Variants in CHD7 observed in about 807,000 individuals in gnomAD.
The protein encoded by CHD7 is ATP-dependent chromatin remodeler CHD7.
Under a neutral mutation model 307.3 loss-of-function variants are expected in CHD7, and 24 were observed. The ratio of observed to expected loss-of-function variants is 0.08; its 90% CI spans 0.06 to 0.11. The LOEUF (loss-of-function observed/expected upper bound fraction) is 0.11, where lower values mean the gene tolerates loss of function less well. Among genes scored for constraint, CHD7 ranks in the 10% least tolerant of loss-of-function variants. The pLI, the probability that CHD7 is intolerant of heterozygous loss-of-function variation, is 1.00. For missense variants in CHD7, 3,106 were observed against 3,727.1 expected (o/e 0.83, Z 4.34); for synonymous variants, 1,363 against 1,349.9 (o/e 1.01, Z -0.21).
intron 1 of CHD7, among the ~76,000 whole-genome samples, chr8:60,697,814 A>T (rs560138295): frequency 1.3e-5 from 2 of 152,370 alleles, no homozygotes; most frequent in East Asian, 3.9e-4. Flanking sequence ...TGTCCCAGCT[A>T]TGTATATCAC....
At chr8:60,685,006 A>T (rs1805810170) in intron 1 of CHD7, among the ~76,000 whole-genome samples, 1 of 152,190 alleles carries the variant, frequency 6.6e-6, no homozygotes, top group African/African-American at 2.4e-5. Flanking sequence ...ATGCGCTCTC[A>T]AGAGGGAGAT....
intron 21 of CHD7, among the ~76,000 whole-genome samples, chr8:60,843,345 C>G (rs1161585430): frequency 6.6e-6 from 1 of 152,238 alleles, no homozygotes; most frequent in Non-Finnish European, 1.5e-5. Context: ...TGCCTGCTGC[C>G]ATGTTTCAGC....
intron 1 of CHD7, among the ~76,000 whole-genome samples, chr8:60,682,849 T>C (rs1181955022): frequency 6.6e-6 from 1 of 152,210 alleles, no homozygotes; most frequent in Non-Finnish European, 1.5e-5. Flanking sequence ...AGAATAAAAA[T>C]GTTTAGTCAG....
intron 23 of CHD7, among the ~76,000 whole-genome samples, chr8:60,846,921 T>G (rs572175701): frequency 1.3e-5 from 2 of 152,214 alleles, no homozygotes; most frequent in Non-Finnish European, 2.9e-5. Flanking sequence ...GTGGTGAGGC[T>G]CTGAGGTGTC....
chr8:60,787,180 T>C (rs1460908500), intron 3 of CHD7, among the ~76,000 whole-genome samples: 1 of 152,090 alleles, frequency 6.6e-6, no homozygotes, highest in East Asian at 1.9e-4. Flanking sequence ...TATTTTCTTC[T>C]TTGTTGTTTT....
At chr8:60,759,236 G>T (rs1346810252) in intron 2 of CHD7, among the ~76,000 whole-genome samples, 1 of 152,156 alleles carries the variant, frequency 6.6e-6, no homozygotes, top group South Asian at 2.1e-4. Flanking sequence ...AAGGTAAAGT[G>T]CAGCTGGGGT....
intron 23 of CHD7, among the ~76,000 whole-genome samples, chr8:60,846,582 CT>C (rs1805219335): frequency 6.6e-6 from 1 of 152,214 alleles, no homozygotes; most frequent in Non-Finnish European, 1.5e-5. Flanking sequence ...TGAGGACTCA[CT>C]TTCCTGGTGA....
chr8:60,741,769 G>A lies in CHD7; in HGVS notation c.337G>A (p.Val113Met). 1 of 1,613,924 alleles carries A rather than the reference G, an allele frequency of 6.2e-7. No homozygotes were observed. The highest frequency in any genetic ancestry group is 8.5e-7 in the Non-Finnish European group (1 of 1,179,860). The stretch of plus-strand genomic sequence containing the variant: ...GTATCACACCCCTCCCGTTCCTCAG[G>A]TGCCCCATGGTGGCAGTGGTGGCGG... ...SQYHTPPVPQ[V>M]PHGGSGGGQM... is the part of the protein sequence containing the mutation. Residue 113 changes from valine to methionine, a missense_variant, in exon 2 of 38, where the codon GTG (valine) becomes ATG (methionine). Physicochemically the swap from Val to Met is conservative, Grantham distance 21 (BLOSUM62 1). This residue lies in a region of CHD7 where 998 missense variants were observed against 1,004.5 expected (regional missense o/e 0.99). Transcript: ENST00000423902.
intron 17 of CHD7, 125 bp from the exon 18 acceptor site, chr8:60,837,543 T>C (rs539816839): frequency 2.6e-6 from 2 of 776,594 alleles, no homozygotes; most frequent in Non-Finnish European, 4.0e-6. Flanking sequence ...ATGACCTAAT[T>C]ACTTCCCTAA....
Position 60,742,264 on chromosome 8 carries a change from A to G in CHD7, c.832A>G (p.Asn278Asp). 1 of 1,613,748 alleles carries G rather than the reference A, an allele frequency of 6.2e-7. No homozygotes were observed. The highest frequency in any genetic ancestry group is 8.5e-7 in the Non-Finnish European group (1 of 1,179,832). Residue 278 changes from asparagine (N) to aspartate (D), a missense_variant, in exon 2 of 38, where the codon AAT becomes GAT. Around this residue, in one of 10 missense-constraint regions of CHD7, gnomAD observed 998 missense variants for 1,004.5 expected, o/e 0.99. Coordinates refer to ENST00000423902, the MANE Select transcript of CHD7 (RefSeq NM_017780.4). ...TGCCCACAGTCCCAGATTCTCCCCG[A>G]ATCCTCCCCAACAAGGGGCTGTTAG... ...SVAHSPRFSP[N>D]PPQQGAVRPQ...
chr8:60,769,691 C>T (rs867735474), intron 2 of CHD7, among the ~76,000 whole-genome samples: 2 of 152,130 alleles, frequency 1.3e-5, no homozygotes, highest in Non-Finnish European at 1.5e-5. Flanking sequence ...ATTTAATTGA[C>T]GGAACGATGG....
At chr8:60,713,049 C>CA (rs373922396) in intron 1 of CHD7, among the ~76,000 whole-genome samples, 60,245 of 102,024 alleles carry the variant, frequency 0.59, 18,126 homozygotes, top group South Asian at 0.76. Flanking sequence ...AACTCTGTCT[C>CA]AAAAAAAAAA....
chr8:60,713,767 G>A (rs1807403563), intron 1 of CHD7, among the ~76,000 whole-genome samples: 1 of 152,036 alleles, frequency 6.6e-6, no homozygotes, highest in Non-Finnish European at 1.5e-5. Context: ...CAGGGAAAAC[G>A]CATCCCACTG....
chr8:60,800,565 A>AGGTG, intron 5 of CHD7, 40 bp downstream of exon 5: 1 of 1,482,060 alleles, frequency 6.7e-7, no homozygotes, highest in Non-Finnish European at 9.0e-7. Context: ...TGCATTTTAA[A>AGGTG]GATGGACTAG....
Position 60,838,061 on chromosome 8 carries a change from A to G in CHD7, c.4354-15A>G, listed in dbSNP as rs1401362163. ...TTAAATTATTTTGAGTATTTTAAAT[A>G]TTTCTCTAAAACAGGTACAACAGCT... On this transcript the variant is annotated splice_polypyrimidine_tract_variant and intron_variant, in intron 18 of 37. Coordinates refer to ENST00000423902, the MANE Select transcript of CHD7 (RefSeq NM_017780.4). 1.4e-6 allele frequency: 2 copies of G among 1,461,664 alleles called. No homozygotes were observed. Among genetic ancestry groups the G allele is most frequent in the Non-Finnish European group, 1.8e-6 (2 of 1,102,616 alleles). 90.5% of individuals were successfully genotyped at this position (1,461,664 alleles called of 1,614,324 possible).
At chr8:60,754,440 T>G (rs1034884001) in intron 2 of CHD7, among the ~76,000 whole-genome samples, 2 of 152,236 alleles carry the variant, frequency 1.3e-5, no homozygotes, top group African/African-American at 4.8e-5. Flanking sequence ...TTAACTACTG[T>G]TGTAGTGATT....
At chr8:60,702,430 T>C (rs527846629) in intron 1 of CHD7, among the ~76,000 whole-genome samples, 27 of 152,246 alleles carry the variant, frequency 1.8e-4, no homozygotes, top group Non-Finnish European at 2.9e-5. Context: ...TTGTGTCTTA[T>C]AGCTCTTGTT....
intron 1 of CHD7, among the ~76,000 whole-genome samples, chr8:60,697,969 T>C (rs1241430441): frequency 6.6e-6 from 1 of 152,202 alleles, no homozygotes; most frequent in African/African-American, 2.4e-5. Flanking sequence ...GGTCAACTTT[T>C]TATAGTGTTA....
chr8:60,862,157 T>A (rs1473270491), intron 35 of CHD7, 39 bp from the exon 36 acceptor site: 1 of 1,554,034 alleles, frequency 6.4e-7, no homozygotes, highest in East Asian at 2.3e-5. Flanking sequence ...GAATAAGTAC[T>A]AAATACCAAT....
Sources: gnomAD v4.1 joint callset for allele counts (sites outside exome capture counted in the v4.1 genomes callset) on GRCh38, gnomAD v4.1.1 for gene constraint, gnomAD v4.1.1 regional missense constraint, MANE v1.5 for transcripts, NCBI Gene and HGNC (gene_info 2026-07-23, HGNC 2026-07-21) for gene names.